CENPW: variants seen among roughly 807,000 people sequenced by gnomAD.
CENPW encodes the protein centromere protein W, also known as cancer-up-regulated gene 2 protein.
CENPW carries 3 observed loss-of-function variants against 11.1 expected under a neutral mutation model. That is an observed-to-expected ratio of 0.27 (90% CI 0.12 to 0.70). CENPW has a LOEUF of 0.70. Among genes scored for constraint, CENPW ranks in the 30% least tolerant of loss-of-function variants. The pLI is 0.77. For synonymous variants in CENPW, 38 were observed against 42.0 expected (o/e 0.91, Z 0.37); for missense variants, 100 against 105.6 (o/e 0.95, Z 0.23).
chr6:126,457,284 C>T, the CENPW span, among the ~76,000 whole-genome samples: 2 of 151,454 alleles, frequency 1.3e-5, no homozygotes, highest in Non-Finnish European at 3.0e-5. Flanking sequence ...CAGCACTATT[C>T]ACAATAGCAA....
At chr6:126,443,205 A>G in the CENPW span, among the ~76,000 whole-genome samples, 4 of 151,304 alleles carry the variant, frequency 2.6e-5, no homozygotes, top group East Asian at 1.9e-4. Flanking sequence ...TTCAAAGTAT[A>G]CATATTACAA....
chr6:126,421,834 T>A, the CENPW span, among the ~76,000 whole-genome samples: 1 of 152,128 alleles, frequency 6.6e-6, no homozygotes, highest in African/African-American at 2.4e-5. Context: ...CTCCACTACG[T>A]TATTAATGTT....
At chr6:126,453,552 G>A in the CENPW span, among the ~76,000 whole-genome samples, 1 of 151,182 alleles carries the variant, frequency 6.6e-6, no homozygotes, top group Non-Finnish European at 1.5e-5. Flanking sequence ...ATGTCCTTAA[G>A]GGAGTGCTAA....
At chr6:126,395,734 A>T in the CENPW span, among the ~76,000 whole-genome samples, 3 of 152,178 alleles carry the variant, frequency 2.0e-5, no homozygotes, top group South Asian at 6.2e-4. Context: ...TCTATGCTGT[A>T]TCTGCATCAG....
At chr6:126,416,796 C>G in the CENPW span, among the ~76,000 whole-genome samples, 1 of 152,200 alleles carries the variant, frequency 6.6e-6, no homozygotes, top group Admixed American at 6.5e-5. Flanking sequence ...ATGGAAATGC[C>G]TGGATGTCCA....
chr6:126,463,127 A>G, the CENPW span, among the ~76,000 whole-genome samples: 1 of 152,010 alleles, frequency 6.6e-6, no homozygotes, highest in South Asian at 2.1e-4. Flanking sequence ...ATACAGACAC[A>G]TTCCTCTCTT....
the CENPW span, among the ~76,000 whole-genome samples, chr6:126,409,373 G>A: frequency 1.3e-5 from 2 of 152,102 alleles, no homozygotes; most frequent in Non-Finnish European, 2.9e-5. Context: ...TGTTCCATGT[G>A]TTCATGAGAA....
chr6:126,358,371 G>A, the CENPW span, among the ~76,000 whole-genome samples: 1 of 152,066 alleles, frequency 6.6e-6, no homozygotes, highest in Non-Finnish European at 1.5e-5. Flanking sequence ...TTATTTTGGG[G>A]CATGCTCCTT....
the CENPW span, among the ~76,000 whole-genome samples, chr6:126,355,951 C>A: frequency 6.6e-6 from 1 of 152,076 alleles, no homozygotes. Flanking sequence ...TTATATGTAG[C>A]CAGTAGTAAT....
At chr6:126,425,459 G>A in the CENPW span, among the ~76,000 whole-genome samples, 1 of 152,114 alleles carries the variant, frequency 6.6e-6, no homozygotes, top group Admixed American at 6.6e-5. Flanking sequence ...AATCCTGTCT[G>A]ATTTAAGGGC....
At chr6:126,449,475 G>C in the CENPW span, among the ~76,000 whole-genome samples, 1 of 150,988 alleles carries the variant, frequency 6.6e-6, no homozygotes, top group African/African-American at 2.4e-5. Context: ...GGTTCATTCT[G>C]TGTCTCTTTA....
chr6:126,370,196 G>C, the CENPW span, among the ~76,000 whole-genome samples: 1 of 152,150 alleles, frequency 6.6e-6, no homozygotes, highest in African/African-American at 2.4e-5. Context: ...TTTGAAGTTA[G>C]GTAATGTGAT....
intron 1 of CENPW, among the ~76,000 whole-genome samples, chr6:126,343,537 G>A (rs1409942219): frequency 1.3e-5 from 2 of 152,174 alleles, no homozygotes; most frequent in African/African-American, 4.8e-5. Context: ...GCCAGTCCCA[G>A]TCCCAGTCCC....
At chr6:126,366,350 A>G in the CENPW span, among the ~76,000 whole-genome samples, 1 of 152,270 alleles carries the variant, frequency 6.6e-6, no homozygotes, top group South Asian at 2.1e-4. Flanking sequence ...AGACTATACA[A>G]ATTTTAGGAA....
chr6:126,365,975 T>C, the CENPW span, among the ~76,000 whole-genome samples: 1 of 152,212 alleles, frequency 6.6e-6, no homozygotes, highest in Non-Finnish European at 1.5e-5. Flanking sequence ...CTCTGAACTT[T>C]GAGAGTTGAG....
At chr6:126,391,719 G>A in the CENPW span, among the ~76,000 whole-genome samples, 1 of 151,832 alleles carries the variant, frequency 6.6e-6, no homozygotes, top group African/African-American at 2.4e-5. Flanking sequence ...ACCACTTATT[G>A]AAGAAACTGT....
chr6:126,346,902 C>T (rs1369323004), intron 2 of CENPW, among the ~76,000 whole-genome samples: 4 of 151,956 alleles, frequency 2.6e-5, no homozygotes, highest in Admixed American at 2.0e-4. Context: ...GTGCCAAGAT[C>T]GCACCATTGC....
downstream of CENPW, among the ~76,000 whole-genome samples, chr6:126,351,731 A>T (rs1780492964): frequency 6.6e-6 from 1 of 151,886 alleles, no homozygotes; most frequent in Admixed American, 6.6e-5. Flanking sequence ...CTTCATGGTT[A>T]TGGGTGGTCT....
the CENPW span, among the ~76,000 whole-genome samples, chr6:126,385,325 T>C: frequency 2.0e-5 from 3 of 152,126 alleles, no homozygotes; most frequent in Non-Finnish European, 4.4e-5. Flanking sequence ...ATCAGAGTGC[T>C]ATTCACAATA....
Sources: allele counts gnomAD v4.1 joint callset (sites outside exome capture counted in the v4.1 genomes callset), GRCh38; gene constraint gnomAD v4.1.1; transcripts MANE v1.5; gene names NCBI Gene and HGNC (gene_info 2026-07-23, HGNC 2026-07-21).